The following PALM2AKAP2 variants were observed in gnomAD, a reference collection of about 807,000 sequenced individuals.
PALM2AKAP2 encodes the protein PALM2 and AKAP2 fusion.
Under a neutral mutation model 71.5 loss-of-function variants are expected in PALM2AKAP2, and 37 were observed. The observed-to-expected ratio is 0.52, with a 90% CI of 0.40 to 0.68. The LOEUF is 0.68. Among genes scored for constraint, PALM2AKAP2 ranks in the 30% least tolerant of loss-of-function variants. The pLI is 0.00. For missense variants in PALM2AKAP2, 1,224 were observed against 1,191.8 expected (o/e 1.03, Z -0.40); for synonymous variants, 468 against 478.8 (o/e 0.98, Z 0.29).
At chr9:109,965,238 A>G (rs1930253) in intron 6 of PALM2AKAP2, among the ~76,000 whole-genome samples, 25,889 of 152,246 alleles carry the variant, frequency 0.17, 2,522 homozygotes, top group East Asian at 0.42. Flanking sequence ...AAAATGCCTC[A>G]TGCACAAAAG....
intron 1 of PALM2AKAP2, among the ~76,000 whole-genome samples, chr9:109,832,544 G>T (rs1436746490): frequency 6.6e-6 from 1 of 152,184 alleles, no homozygotes; most frequent in African/African-American, 2.4e-5. Context: ...ATCTGAGGTT[G>T]GTTGCTGCTT....
At chr9:110,137,920 G>C in exon 2 of PALM2AKAP2, 1 of 1,614,142 alleles carries the variant, frequency 6.2e-7, no homozygotes, top group Non-Finnish European at 8.5e-7. Flanking sequence ...ACTCTCCGTT[G>C]GTTGATGACC....
intron 1 of PALM2AKAP2, among the ~76,000 whole-genome samples, chr9:109,753,911 GA>G (rs1828920871): frequency 6.6e-6 from 1 of 152,064 alleles, no homozygotes; most frequent in South Asian, 2.1e-4. Context: ...AAAAAATACA[GA>G]AAAGACTAAA....
intron 1 of PALM2AKAP2, among the ~76,000 whole-genome samples, chr9:110,051,641 G>A (rs1338014591): frequency 6.6e-6 from 1 of 152,190 alleles, no homozygotes; most frequent in Non-Finnish European, 1.5e-5. Flanking sequence ...TGAAACAGGA[G>A]CATGCTAAAA....
chr9:109,974,112 A>G (rs1269324474), intron 6 of PALM2AKAP2, among the ~76,000 whole-genome samples: 1 of 152,206 alleles, frequency 6.6e-6, no homozygotes, highest in Non-Finnish European at 1.5e-5. Flanking sequence ...CCATGGAGAG[A>G]GCATGCAACC....
In PALM2AKAP2 at chr9:109,943,168, A is replaced by G. The variant is rs200407751; in HGVS notation, c.496+11140A>G. The G allele has an allele frequency of 1.1e-5, 18 of 1,614,234 alleles. No homozygotes were observed. In the South Asian group the frequency reaches 1.9e-4, roughly 17 times the overall value. On this transcript the variant is annotated intron_variant, in intron 6 of 9. Transcript: ENST00000302798. The stretch of plus-strand genomic sequence containing the variant: ...AAATATCGAGGATGAAGAGGAGACG[A>G]AAAAGGTGCTAGGCTATGATGAAAC...
chr9:109,769,873 A>G (rs1386663955), intron 1 of PALM2AKAP2, among the ~76,000 whole-genome samples: 1 of 152,094 alleles, frequency 6.6e-6, no homozygotes, highest in East Asian at 1.9e-4. Context: ...TGAAAGGATA[A>G]CTACTGTATG....
intron 1 of PALM2AKAP2, among the ~76,000 whole-genome samples, chr9:110,082,238 T>C (rs888883981): frequency 1.3e-5 from 2 of 152,132 alleles, no homozygotes; most frequent in Non-Finnish European, 2.9e-5. Flanking sequence ...GTATTTTTAG[T>C]AGACACAGGG....
At chr9:109,734,824 C>T (rs147790624) in intron 1 of PALM2AKAP2, among the ~76,000 whole-genome samples, 7 of 152,256 alleles carry the variant, frequency 4.6e-5, no homozygotes, top group African/African-American at 1.4e-4. Flanking sequence ...AAAGCATTTG[C>T]AGCACACGGA....
intron 6 of PALM2AKAP2, among the ~76,000 whole-genome samples, chr9:110,000,434 C>G (rs1832661900): frequency 6.6e-6 from 1 of 152,078 alleles, no homozygotes; most frequent in Admixed American, 6.5e-5. Flanking sequence ...TGGGTTGGTT[C>G]CAAGTCTTTG....
intron 1 of PALM2AKAP2, among the ~76,000 whole-genome samples, chr9:109,720,848 G>A (rs573466298): frequency 7.7e-4 from 117 of 152,308 alleles, no homozygotes; most frequent in African/African-American, 2.6e-3. Context: ...TGTTTACTGA[G>A]CACTTACTGT....
chr9:109,877,578 G>A (rs528187911), intron 2 of PALM2AKAP2, among the ~76,000 whole-genome samples: 6 of 152,320 alleles, frequency 3.9e-5, no homozygotes, highest in Admixed American at 6.5e-5. Context: ...GAGGCCAAGG[G>A]AACAGGATGG....
intron 1 of PALM2AKAP2, among the ~76,000 whole-genome samples, chr9:109,690,254 G>A (rs1282629274): frequency 6.6e-6 from 1 of 152,182 alleles, no homozygotes; most frequent in Non-Finnish European, 1.5e-5. Context: ...ATTTCTAATA[G>A]TTGGTATAGA....
At chr9:110,038,908 C>G (rs1833464537) in intron 7 of PALM2AKAP2, among the ~76,000 whole-genome samples, 1 of 77,008 alleles carries the variant, frequency 1.3e-5, no homozygotes, top group Admixed American at 1.7e-4. Context: ...GCCACTCCAG[C>G]CTGGCAACAA....
chr9:110,019,375 A>G (rs1255999006), intron 7 of PALM2AKAP2, among the ~76,000 whole-genome samples: 1 of 152,218 alleles, frequency 6.6e-6, no homozygotes, highest in Admixed American at 6.5e-5. Context: ...AGCAATGTAA[A>G]TTAGTTCAAC....
At chr9:109,910,107 G>A (rs1487171786) in intron 3 of PALM2AKAP2, among the ~76,000 whole-genome samples, 1 of 152,220 alleles carries the variant, frequency 6.6e-6, no homozygotes, top group Admixed American at 6.5e-5. Context: ...AATTGGCTTG[G>A]TGGCTAATAA....
At chr9:110,003,871 C>T (rs1038829606) in intron 6 of PALM2AKAP2, among the ~76,000 whole-genome samples, 15 of 151,798 alleles carry the variant, frequency 9.9e-5, no homozygotes, top group African/African-American at 2.7e-4. Flanking sequence ...TTTTTGTTTT[C>T]CATTTCCTTG....
chr9:110,002,550 T>C (rs917418814), intron 6 of PALM2AKAP2, among the ~76,000 whole-genome samples: 7 of 152,162 alleles, frequency 4.6e-5, no homozygotes, highest in Non-Finnish European at 1.0e-4. Context: ...CCTCATAAAA[T>C]GAGTTAGGGA....
At chr9:109,953,491 T>G (rs1831681325) in intron 6 of PALM2AKAP2, among the ~76,000 whole-genome samples, 1 of 152,156 alleles carries the variant, frequency 6.6e-6, no homozygotes, top group Non-Finnish European at 1.5e-5. Context: ...CCAACCTCAG[T>G]TGTCTTTACT....
Sources: gnomAD v4.1 joint callset for allele counts (sites outside exome capture counted in the v4.1 genomes callset) on GRCh38, gnomAD v4.1.1 for gene constraint, MANE v1.5 for transcripts, NCBI Gene and HGNC (gene_info 2026-07-23, HGNC 2026-07-21) for gene names.